Variants in DMXL2 observed in about 807,000 individuals in gnomAD.
DMXL2 encodes the protein Dmx like 2.
DMXL2 carries 103 observed loss-of-function variants against 331.1 expected under a neutral mutation model. The ratio of observed to expected loss-of-function variants is 0.31; its 90% CI spans 0.27 to 0.37. The LOEUF (loss-of-function observed/expected upper bound fraction) is 0.37. Ranked by LOEUF, DMXL2 falls within the 10% of genes least tolerant of loss-of-function variation. The pLI is 1.00. For missense variants in DMXL2, 3,171 were observed against 3,642.9 expected (o/e 0.87, Z 3.33); for synonymous variants, 1,281 against 1,252.1 (o/e 1.02, Z -0.49).
Position 51,525,171 on chromosome 15 carries a change from G to C in DMXL2, c.2437-8004C>G, listed in dbSNP as rs558314508. Among the ~76,000 whole-genome samples the C allele has an allele frequency of 7.9e-5, 12 of 151,996 alleles. No homozygotes were observed. In the East Asian group the frequency reaches 2.3e-3, roughly 30 times the overall value. On this transcript the variant is annotated intron_variant, in intron 13 of 43. Transcript: ENST00000560891. ...GCCAGAAAGGAATCCACTGCCATGA[G>C]GGGAAAGACCCCTGGCAGGATTCAT...
chr15:51,528,797 T>C (rs2047832459), intron 13 of DMXL2, among the ~76,000 whole-genome samples: 1 of 152,174 alleles, frequency 6.6e-6, no homozygotes, highest in Non-Finnish European at 1.5e-5. Flanking sequence ...ATCCAACAGC[T>C]ACAGAATATA....
intron 18 of DMXL2, among the ~76,000 whole-genome samples, chr15:51,496,435 G>A (rs1388833910): frequency 6.6e-6 from 1 of 152,146 alleles, no homozygotes; most frequent in African/African-American, 2.4e-5. Context: ...GGAAGTAAAG[G>A]AACAAGCCAT....
chr15:51,587,503 A>C (rs970468658), intron 1 of DMXL2, among the ~76,000 whole-genome samples: 24 of 152,212 alleles, frequency 1.6e-4, no homozygotes, highest in African/African-American at 5.8e-4. Flanking sequence ...TGAACTCATC[A>C]TTTTTTATGG....
chr15:51,537,455 A>T (rs1229102666), intron 11 of DMXL2, 33 bp downstream of exon 11: 27 of 1,541,168 alleles, frequency 1.8e-5, no homozygotes, highest in Non-Finnish European at 2.3e-5. Context: ...CTATTTTAAG[A>T]AATGTAATAA....
At chr15:51,530,344 C>T (rs2047931643) in intron 13 of DMXL2, among the ~76,000 whole-genome samples, 1 of 152,100 alleles carries the variant, frequency 6.6e-6, no homozygotes, top group Non-Finnish European at 1.5e-5. Flanking sequence ...AAAGACTCCA[C>T]CAAAAACCAT....
intron 3 of DMXL2, among the ~76,000 whole-genome samples, chr15:51,566,147 T>C (rs1169157645): frequency 6.6e-6 from 1 of 152,018 alleles, no homozygotes; most frequent in Non-Finnish European, 1.5e-5. Context: ...AGTTTGAGGT[T>C]ATAGTGAGCT....
chr15:51,514,683 C>G (rs932987597), intron 14 of DMXL2, 124 bp from the exon 15 acceptor site: 4 of 628,314 alleles, frequency 6.4e-6, no homozygotes, highest in Non-Finnish European at 8.3e-6. Context: ...TTCTTTACCA[C>G]TACTAATTAG....
At chr15:51,508,554 C>G (rs1041526439) in intron 15 of DMXL2, among the ~76,000 whole-genome samples, 1 of 152,110 alleles carries the variant, frequency 6.6e-6, no homozygotes, top group Non-Finnish European at 1.5e-5. Flanking sequence ...TCCTACATAC[C>G]TAAAAATCCA....
intron 15 of DMXL2, among the ~76,000 whole-genome samples, chr15:51,508,894 C>T (rs2046578645): frequency 1.3e-5 from 2 of 152,064 alleles, no homozygotes; most frequent in South Asian, 4.1e-4. Flanking sequence ...ATTTTTCAAT[C>T]CCTAATGAAA....
At chr15:51,476,526 T>C (rs1007101035) in intron 27 of DMXL2, 63 bp downstream of exon 27, 22 of 1,569,390 alleles carry the variant, frequency 1.4e-5, no homozygotes, top group Non-Finnish European at 1.6e-5. Context: ...AACTGGTCAG[T>C]AGGCTTTTAG....
In DMXL2 at chr15:51,460,596, AT is replaced by A. The variant is rs532551483; in HGVS notation, c.7927-937del. The stretch of plus-strand genomic sequence containing the variant: ...TATATAACTTCAGCATTTCTCAGGG[AT>A]TTTTTTTAAATGCACCCAGCATTTT... On this transcript the variant is annotated intron_variant, in intron 33 of 43. Coordinates refer to ENST00000560891, the MANE Select transcript of DMXL2 (RefSeq NM_001378457.1). The A allele has an allele frequency of 6.4e-3, 1,013 of 157,206 alleles. 11 individuals are homozygous for A. The highest frequency in any genetic ancestry group is 0.023 in the African/African-American group (965 of 41,574). The allele number at this position is 157,206 out of a possible 1,614,324, so 9.7% of individuals were successfully genotyped here. A position where few individuals can be genotyped will look rare whatever the true frequency, so the allele number is the denominator to read the frequency against.
At chr15:51,472,749 C>T (rs2041238127) in intron 28 of DMXL2, among the ~76,000 whole-genome samples, 1 of 152,194 alleles carries the variant, frequency 6.6e-6, no homozygotes, top group South Asian at 2.1e-4. Context: ...ATATACCACA[C>T]TTTGTTGATC....
chr15:51,580,941 A>T (rs2051367829), intron 1 of DMXL2, among the ~76,000 whole-genome samples: 1 of 151,574 alleles, frequency 6.6e-6, no homozygotes, highest in Non-Finnish European at 1.5e-5. Context: ...TAATAGACAT[A>T]AGTCATAGAT....
Position 51,476,716 on chromosome 15 carries a change from A to G in DMXL2, c.6837T>C (p.Ser2279=). ...QALCDSHSYS[S]QTEGNQFTGM... ...CTGTAAACTGATTTCCTTCTGTTTG[A>G]CTGCTAAAACAAATAGGTTCAGTTA... The change falls in exon 27 of 44, where the codon AGT becomes AGC. Residue 2279 remains serine (S), a synonymous_variant. Coordinates refer to ENST00000560891, the MANE Select transcript of DMXL2 (RefSeq NM_001378457.1). 1 of 1,595,674 alleles carries G rather than the reference A, an allele frequency of 6.3e-7. No homozygotes were observed. The highest frequency in any genetic ancestry group is 8.5e-7 in the Non-Finnish European group (1 of 1,175,466).
At chr15:51,536,036 T>C in intron 12 of DMXL2, 130 bp downstream of exon 12, 1 of 978,204 alleles carries the variant, frequency 1.0e-6, no homozygotes, top group Non-Finnish European at 1.4e-6. Flanking sequence ...TGAATATTTA[T>C]TAAAAATCAC....
intron 1 of DMXL2, among the ~76,000 whole-genome samples, chr15:51,595,327 T>C: frequency 6.6e-6 from 1 of 152,140 alleles, no homozygotes; most frequent in East Asian, 1.9e-4. Flanking sequence ...CACAATTGCT[T>C]CAAAGAGAAT....
intron 1 of DMXL2, among the ~76,000 whole-genome samples, chr15:51,601,620 T>C (rs1378379278): frequency 6.6e-6 from 1 of 152,222 alleles, no homozygotes; most frequent in Non-Finnish European, 1.5e-5. Flanking sequence ...TTGGTGTATT[T>C]GTCCTCAGAC....
chr15:51,459,105 A>G (rs1051678637), intron 34 of DMXL2: 12 of 262,504 alleles, frequency 4.6e-5, no homozygotes, highest in Admixed American at 1.9e-4. Flanking sequence ...TAGCTCTTCC[A>G]AAAGTGCATA....
At chr15:51,508,225 T>C (rs745578226) in intron 15 of DMXL2, among the ~76,000 whole-genome samples, 25 of 152,106 alleles carry the variant, frequency 1.6e-4, no homozygotes, top group Non-Finnish European at 2.8e-4. Context: ...AGACCTAACA[T>C]AGATGACAGG....
Sources: gnomAD v4.1 joint callset for allele counts (sites outside exome capture counted in the v4.1 genomes callset) on GRCh38, gnomAD v4.1.1 for gene constraint, MANE v1.5 for transcripts, NCBI Gene and HGNC (gene_info 2026-07-23, HGNC 2026-07-21) for gene names.